The following ZNF354C variants were observed in gnomAD, a reference collection of about 807,000 sequenced individuals.
ZNF354C encodes zinc finger protein 354C, also known as KRAB-zinc finger protein synten.
ZNF354C carries 7 observed loss-of-function variants against 12.4 expected under a neutral mutation model. The observed-to-expected ratio is 0.56, with a 90% CI of 0.32 to 1.06. The LOEUF is 1.06. Among genes scored for constraint, ZNF354C ranks in the 50% least tolerant of loss-of-function variants. ZNF354C has a pLI of 0.04. For synonymous variants in ZNF354C, 202 were observed against 224.5 expected, an observed-to-expected ratio of 0.90 and a Z score of 0.90; for missense variants, 609 against 658.0, an observed-to-expected ratio of 0.93 and a Z score of 0.81.
chr5:179,076,046 G>C (rs552902368), intron 2 of ZNF354C, among the ~76,000 whole-genome samples: 47 of 152,168 alleles, frequency 3.1e-4, no homozygotes, highest in Non-Finnish European at 5.4e-4. Context: ...GGGAAAATCT[G>C]TTTCCTTGCC....
In ZNF354C at chr5:179,080,654, A is replaced by G. The variant is rs1581122457; in HGVS notation, c.*557A>G. On this transcript the variant is annotated 3_prime_UTR_variant, in exon 5 of 5. Transcript: ENST00000315475. The stretch of plus-strand genomic sequence containing the variant: ...TAAACATACATATATACACATATGC[A>G]TGTGTGTGTGTAAACATAAAAGTCC... 2 of 152,286 alleles carry G rather than the reference A, an allele frequency of 1.3e-5. No homozygotes were observed. The highest frequency in any genetic ancestry group is 2.1e-4 in the South Asian group (1 of 4,822). The allele number at this position is 152,286 out of a possible 1,614,324, so 9.4% of individuals were successfully genotyped here.
intron 2 of ZNF354C, 70 bp downstream of exon 2, chr5:179,062,165 A>G (rs1315378528): frequency 6.3e-7 from 1 of 1,597,592 alleles, no homozygotes; most frequent in African/African-American, 1.3e-5. Context: ...ACATGTTTCC[A>G]GACTTTGTCC....
In ZNF354C at chr5:179,082,580, T is replaced by G. The variant is rs1762243131; in HGVS notation, c.*2483T>G. 1 of 919,674 alleles carries G rather than the reference T, an allele frequency of 1.1e-6. No homozygotes were observed. The highest frequency in any genetic ancestry group is 1.8e-6 in the Non-Finnish European group (1 of 549,804). The allele number at this position is 919,674 out of a possible 1,614,324, so 57.0% of individuals were successfully genotyped here. On this transcript the variant is annotated 3_prime_UTR_variant, in exon 5 of 5. Coordinates refer to ENST00000315475, the MANE Select transcript of ZNF354C (RefSeq NM_014594.3). Reference sequence around the variant, plus strand: ...TCAAAAGAACTAAGTATTCCAGATTTCGGGAGGGATGAAGAGGGAGATATT... The same window carrying G: ...TCAAAAGAACTAAGTATTCCAGATTGCGGGAGGGATGAAGAGGGAGATATT...
chr5:179,077,998 G>A (rs1489672663), intron 4 of ZNF354C, among the ~76,000 whole-genome samples: 1 of 151,734 alleles, frequency 6.6e-6, no homozygotes, highest in Non-Finnish European at 1.5e-5. Context: ...GTAGAGACGG[G>A]GTTTCACCAT....
intron 2 of ZNF354C, among the ~76,000 whole-genome samples, chr5:179,068,824 A>G (rs951915263): frequency 2.0e-5 from 3 of 152,194 alleles, no homozygotes; most frequent in Non-Finnish European, 2.9e-5. Context: ...CTGGTGGCCA[A>G]AAGTCCAAGA....
chr5:179,076,328 G>A, intron 2 of ZNF354C, 117 bp from the exon 3 acceptor site: 1 of 1,479,148 alleles, frequency 6.8e-7, no homozygotes, highest in South Asian at 1.3e-5. Context: ...TACGTAAACA[G>A]TTGACGTGAA....
rs1354376058 is a variant in ZNF354C, at chr5:179,079,336, T to G, written c.904T>G (p.Cys302Gly). 7.4e-6 allele frequency: 12 copies of G among 1,614,172 alleles called. No homozygotes were observed. The highest frequency in any genetic ancestry group is 2.2e-5 in the East Asian group (1 of 44,878). ...GCATACTGGAGAGAAACCGTATCGA[T>G]GTAGGGAATGTGGTAAAGCCTTTAG... ...RVHTGEKPYR[C>G]RECGKAFSQC... The change falls in exon 5 of 5, where the codon TGT becomes GGT. Residue 302 changes from cysteine (C) to glycine (G), a missense_variant. Transcript: ENST00000315475. The surrounding 1 kb of genome is among the most constrained non-coding windows in gnomAD (Gnocchi z 4.2).
rs776434033 is a variant in ZNF354C at position 179,079,855 on chromosome 5, A to G, written c.1423A>G (p.Lys475Glu). 6.2e-7 allele frequency: 1 copy of G among 1,614,100 alleles called. No individual in the cohort carries two copies. The highest frequency in any genetic ancestry group is 1.1e-5 in the South Asian group (1 of 91,068). ...ACCGTATCAGTGTAATCAGTGTGGA[A>G]AGGCCTTCAGCCAGTATTCATTTTT... ...EKPYQCNQCG[K>E]AFSQYSFLTE... The change falls in exon 5 of 5, where the codon AAG (lysine) becomes GAG (glutamate). Residue 475 changes from lysine (K) to glutamate (E), a missense_variant. By Grantham distance (56) the Lys-to-Glu change is moderately conservative. Coordinates refer to ENST00000315475, the MANE Select transcript of ZNF354C (RefSeq NM_014594.3). The surrounding 1 kb of genome is among the most constrained non-coding windows in gnomAD (Gnocchi z 4.2).
At chr5:179,077,846 C>T (rs1762147426) in intron 4 of ZNF354C, among the ~76,000 whole-genome samples, 1 of 145,392 alleles carries the variant, frequency 6.9e-6, no homozygotes, top group African/African-American at 2.5e-5. Context: ...GTCTCTGTCA[C>T]CCAGGCCGGA....
In ZNF354C at chr5:179,079,848, G is replaced by C; in HGVS notation, c.1416G>C (p.Gln472His). 6.2e-7 allele frequency: 1 copy of C among 1,614,018 alleles called. No homozygotes were observed. The highest frequency in any genetic ancestry group is 8.5e-7 in the Non-Finnish European group (1 of 1,179,978). ...HTGEKPYQCN[Q>H]CGKAFSQYSF... is the part of the protein sequence containing the mutation. ...GAGAGAAACCGTATCAGTGTAATCA[G>C]TGTGGAAAGGCCTTCAGCCAGTATT... is the stretch of plus-strand genomic sequence containing the variant. The change falls in exon 5 of 5, where the codon CAG becomes CAC. Residue 472 changes from glutamine to histidine, a missense_variant. Physicochemically the swap from Gln to His is conservative, Grantham distance 24. Transcript: ENST00000315475. The surrounding 1 kb of genome is among the most constrained non-coding windows in gnomAD (Gnocchi z 4.2).
Position 179,080,067 on chromosome 5 carries a change from T to C in ZNF354C, c.1635T>C (p.Phe545=), listed in dbSNP as rs1762203442. The C allele has an allele frequency of 6.3e-7, 1 of 1,594,208 alleles. No individual in the cohort carries two copies. The highest frequency in any genetic ancestry group is 8.5e-7 in the Non-Finnish European group (1 of 1,173,480). ...CCTCACTTACCCAGTATCAGAGATT[T>C]TTTAAAGGAGATAAAGCCTATGAGG... ...CSSSLTQYQR[F]FKGDKAYEV Residue 545 remains phenylalanine (F), a synonymous_variant, in exon 5 of 5, where the codon TTT becomes TTC. Transcript: ENST00000315475.
At chr5:179,066,787 G>A (rs1428297534) in intron 2 of ZNF354C, among the ~76,000 whole-genome samples, 1 of 152,028 alleles carries the variant, frequency 6.6e-6, no homozygotes, top group Non-Finnish European at 1.5e-5. Flanking sequence ...CTTTGACTTT[G>A]GTGTTCTGCA....
At position 179,060,994 on chromosome 5, in the gene ZNF354C, G is replaced by A. The variant is rs1581113460; in HGVS notation, c.-55+328G>A. ...GCCTTCCCGGCCCTTATGACTTTGG[G>A]CAGGTCACGACCTCCTGGTTTTCAG... is the stretch of plus-strand genomic sequence containing the variant. On this transcript the variant is annotated intron_variant, in intron 1 of 4. Coordinates refer to ENST00000315475, the MANE Select transcript of ZNF354C (RefSeq NM_014594.3). The surrounding 1 kb of genome is among the most constrained non-coding windows in gnomAD (Gnocchi z 4.2). Among the ~76,000 whole-genome samples the A allele has an allele frequency of 6.6e-6, 1 of 152,226 alleles. No homozygotes were observed. Among genetic ancestry groups the A allele is most frequent in the East Asian group, 1.9e-4 (1 of 5,194 alleles).
At chr5:179,067,853 A>AAAG (rs1344714101) in intron 2 of ZNF354C, among the ~76,000 whole-genome samples, 1 of 152,108 alleles carries the variant, frequency 6.6e-6, no homozygotes, top group Non-Finnish European at 1.5e-5. Context: ...CTCAAAAAAA[A>AAAG]AAGAAGAAGA....
chr5:179,065,984 C>T (rs1698932607), intron 2 of ZNF354C, among the ~76,000 whole-genome samples: 1 of 152,224 alleles, frequency 6.6e-6, no homozygotes, highest in African/African-American at 2.4e-5. Flanking sequence ...AAAGACGACA[C>T]TGTGTAGCCC....
Position 179,079,097 on chromosome 5 carries a change from G to C in ZNF354C, c.665G>C (p.Gly222Ala). ...GGKPHICNEC[G>A]KSFKQNLHLI... ...AAACCTCACATCTGTAATGAATGTG[G>C]GAAGAGCTTCAAGCAGAATCTGCAT... Residue 222 changes from glycine (G) to alanine (A), a missense_variant, in exon 5 of 5, where the codon GGG (glycine) becomes GCG (alanine). Gly to Ala is a moderately conservative substitution (Grantham distance 60). Coordinates refer to ENST00000315475, the MANE Select transcript of ZNF354C (RefSeq NM_014594.3). This position sits in a 1 kb window ranked among gnomAD's most constrained non-coding sequence, Gnocchi z 4.2. 2 of 1,613,842 alleles carry C rather than the reference G, an allele frequency of 1.2e-6. No individual in the cohort carries two copies. Among genetic ancestry groups the C allele is most frequent in the Non-Finnish European group, 1.7e-6 (2 of 1,180,008 alleles).
At chr5:179,077,293 G>GT in intron 4 of ZNF354C, 127 bp downstream of exon 4, 1 of 712,500 alleles carries the variant, frequency 1.4e-6, no homozygotes, top group South Asian at 1.7e-5. Flanking sequence ...GTTGTATTTT[G>GT]TTTGAGTTGT....
chr5:179,068,712 C>T (rs1305922495), intron 2 of ZNF354C, among the ~76,000 whole-genome samples: 1 of 151,500 alleles, frequency 6.6e-6, no homozygotes, highest in Non-Finnish European at 1.5e-5. Context: ...TGTGAGTGTC[C>T]TGTTAACAGC....
intron 1 of ZNF354C, among the ~76,000 whole-genome samples, chr5:179,061,560 C>A (rs1159160824): frequency 6.6e-6 from 1 of 152,104 alleles, no homozygotes; most frequent in Non-Finnish European, 1.5e-5. Context: ...ACGGAAGGAC[C>A]ACTCAGGGCG....
Sources: gnomAD v4.1 joint callset for allele counts (sites outside exome capture counted in the v4.1 genomes callset) on GRCh38, gnomAD v4.1.1 for gene constraint, Gnocchi (gnomAD v3.1) non-coding constraint, MANE v1.5 for transcripts, NCBI Gene and HGNC (gene_info 2026-07-23, HGNC 2026-07-21) for gene names.